The following SFXN1 variants were observed in gnomAD, a reference collection of about 807,000 sequenced individuals.
SFXN1 encodes the protein sideroflexin 1.
A neutral mutation model predicts 39.5 loss-of-function variants in SFXN1; 32 were observed. The ratio of observed to expected loss-of-function variants is 0.81; its 90% CI spans 0.61 to 1.09. The LOEUF is 1.09. Ranked by LOEUF, SFXN1 falls within the 50% of genes least tolerant of loss-of-function variation. The probability of loss-of-function intolerance (pLI) is 0.00; values close to 1 mark genes in which losing one functional copy is unlikely to be tolerated. For missense variants in SFXN1, 402 were observed against 407.1 expected, an observed-to-expected ratio of 0.99 and a Z score of 0.11; for synonymous variants, 136 against 146.5, an observed-to-expected ratio of 0.93 and a Z score of 0.52.
chr5:175,527,694 G>A lies in SFXN1; in HGVS notation c.*960G>A, dbSNP rs1761107894. ...ACAGTGATAATGTGTGTATGAATCAGTCACAATGAATTTTACTTGAATATT... is the reference window on the plus strand; with the variant it reads ...ACAGTGATAATGTGTGTATGAATCAATCACAATGAATTTTACTTGAATATT... On this transcript the variant is annotated 3_prime_UTR_variant, in exon 11 of 11. Coordinates refer to ENST00000321442, the MANE Select transcript of SFXN1 (RefSeq NM_022754.7). 1 of 151,922 alleles carries A rather than the reference G, an allele frequency of 6.6e-6. No homozygotes were observed. Among genetic ancestry groups the A allele is most frequent in the African/African-American group, 2.4e-5 (1 of 41,348 alleles). The allele number at this position is 151,922 out of a possible 1,614,324, so 9.4% of individuals were successfully genotyped here.
intron 8 of SFXN1, among the ~76,000 whole-genome samples, chr5:175,516,865 C>T (rs1760729442): frequency 6.6e-6 from 1 of 152,094 alleles, no homozygotes; most frequent in African/African-American, 2.4e-5. Flanking sequence ...TAAAGACTGC[C>T]ACTATTGAGA....
chr5:175,489,405 C>T (rs181664375), intron 1 of SFXN1, among the ~76,000 whole-genome samples: 42 of 152,300 alleles, frequency 2.8e-4, no homozygotes, highest in Middle Eastern at 3.4e-3. Flanking sequence ...TTCCCCTGCA[C>T]GCCCTGCAGG....
In SFXN1 at chr5:175,526,704, G is replaced by A. The variant is rs1026268445; in HGVS notation, c.939G>A (p.Leu313=). The A allele has an allele frequency of 2.5e-6, 4 of 1,614,208 alleles. No homozygotes were observed. The highest frequency in any genetic ancestry group is 3.4e-6 in the Non-Finnish European group (4 of 1,180,016). Residue 313 remains leucine, a synonymous_variant, in exon 11 of 11, where the codon TTG becomes TTA. Coordinates refer to ENST00000321442, the MANE Select transcript of SFXN1 (RefSeq NM_022754.7). ...AGATCCAAGAGAGCCATCCTGAATT[G>A]CGACGCGTGTACTTCAATAAGGGAT... ...QAKIQESHPE[L]RRVYFNKGL
At chr5:175,503,385 A>C (rs1760156368) in intron 2 of SFXN1, among the ~76,000 whole-genome samples, 1 of 152,238 alleles carries the variant, frequency 6.6e-6, no homozygotes, top group African/African-American at 2.4e-5. Flanking sequence ...CAAAAATCCA[A>C]AGTAAAACAC....
Position 175,526,486 on chromosome 5 carries a change from A to T in SFXN1, c.873-152A>T, listed in dbSNP as rs765078534. 170 of 635,322 alleles carry T rather than the reference A, an allele frequency of 2.7e-4. 1 individual carries two copies. The highest frequency in any genetic ancestry group is 8.5e-4 in the Middle Eastern group (3 of 3,536). The allele number at this position is 635,322 out of a possible 1,614,324, so 39.4% of individuals were successfully genotyped here. A position where few individuals can be genotyped will look rare whatever the true frequency, so the allele number is the denominator to read the frequency against. On this transcript the variant is annotated intron_variant, in intron 10 of 10. Coordinates refer to ENST00000321442, the MANE Select transcript of SFXN1 (RefSeq NM_022754.7). ...GTGACATTTTTCTGAAAGGAACGTG[A>T]TCTCGTTTTCTAGCCGCATGAAGCA... is the stretch of plus-strand genomic sequence containing the variant.
intron 10 of SFXN1, chr5:175,525,767 C>A (rs992237199): frequency 1.3e-5 from 2 of 152,052 alleles, no homozygotes; most frequent in East Asian, 3.9e-4. Context: ...CACCAACACA[C>A]CTGTCTTATT....
At chr5:175,502,758 T>C (rs1197001136) in intron 2 of SFXN1, among the ~76,000 whole-genome samples, 1 of 152,120 alleles carries the variant, frequency 6.6e-6, no homozygotes, top group East Asian at 1.9e-4. Flanking sequence ...GGAGAATCGC[T>C]TGAACCCGGG....
At chr5:175,506,582 T>G (rs750384460) in intron 2 of SFXN1, among the ~76,000 whole-genome samples, 2 of 152,210 alleles carry the variant, frequency 1.3e-5, no homozygotes, top group Non-Finnish European at 2.9e-5. Flanking sequence ...GCAATTAATA[T>G]GCCCAACACT....
rs115444515 is a variant in SFXN1 at position 175,513,787 on chromosome 5, G to A, written c.724+197G>A. 9.7e-3 allele frequency: 5,143 copies of A among 532,780 alleles called. 184 individuals are homozygous for A. Among genetic ancestry groups the A allele is most frequent in the African/African-American group, 0.085 (4,446 of 52,222 alleles). The allele number at this position is 532,780 out of a possible 1,614,324, so 33.0% of individuals were successfully genotyped here. ...AGGGCAAGGGGGCAATGGGGCTAGG[G>A]CGTGTGGGTAGGGCAGCCGGGGAAG... On this transcript the variant is annotated intron_variant, in intron 7 of 10. Coordinates refer to ENST00000321442, the MANE Select transcript of SFXN1 (RefSeq NM_022754.7).
chr5:175,509,321 C>A, intron 3 of SFXN1, 119 bp downstream of exon 3: 3 of 975,762 alleles, frequency 3.1e-6, no homozygotes, highest in Non-Finnish European at 4.4e-6. Context: ...AAGTGACAAA[C>A]AAGGTAATTA....
intron 1 of SFXN1, among the ~76,000 whole-genome samples, chr5:175,484,843 G>A (rs991401805): frequency 1.3e-5 from 2 of 152,152 alleles, no homozygotes; most frequent in Admixed American, 6.6e-5. Context: ...TTACAGGTGC[G>A]CACCACCACG....
At chr5:175,482,632 G>C (rs1759293194) in intron 1 of SFXN1, among the ~76,000 whole-genome samples, 1 of 152,024 alleles carries the variant, frequency 6.6e-6, no homozygotes, top group Admixed American at 6.6e-5. Context: ...TCCCACTTTT[G>C]TTTGGTAACT....
intron 2 of SFXN1, among the ~76,000 whole-genome samples, chr5:175,494,928 C>G (rs942041170): frequency 1.3e-5 from 2 of 152,124 alleles, no homozygotes; most frequent in East Asian, 3.8e-4. Context: ...CCAGCAGTTC[C>G]ACTTCTGGGA....
chr5:175,523,555 A>C (rs1226268443), intron 10 of SFXN1: 1 of 152,194 alleles, frequency 6.6e-6, no homozygotes, highest in African/African-American at 2.4e-5. Context: ...TAAAACACCT[A>C]AGAAATGTAG....
chr5:175,510,369 G>A, intron 4 of SFXN1, 162 bp downstream of exon 4: 1 of 623,252 alleles, frequency 1.6e-6, no homozygotes, highest in Non-Finnish European at 2.7e-6. Context: ...TTAAAGTAAA[G>A]TGTTTCATTT....
chr5:175,503,940 G>A (rs1260149900), intron 2 of SFXN1, among the ~76,000 whole-genome samples: 1 of 144,828 alleles, frequency 6.9e-6, no homozygotes, highest in Non-Finnish European at 1.5e-5. Flanking sequence ...GGAGGTAGAG[G>A]TTGCAGTAGC....
intron 4 of SFXN1, among the ~76,000 whole-genome samples, chr5:175,511,046 T>C (rs1323751674): frequency 2.0e-5 from 3 of 152,232 alleles, no homozygotes; most frequent in Non-Finnish European, 1.5e-5. Flanking sequence ...GCTTTCAGTG[T>C]GTATATTAAT....
At chr5:175,482,780 T>C (rs1027278221) in intron 1 of SFXN1, among the ~76,000 whole-genome samples, 2 of 152,356 alleles carry the variant, frequency 1.3e-5, no homozygotes, top group African/African-American at 4.8e-5. Flanking sequence ...GTCACATGTC[T>C]AGAAAGGAAA....
Position 175,528,048 on chromosome 5 carries a change from G to C in SFXN1, c.*1314G>C, listed in dbSNP as rs1400576634. 4.6e-5 allele frequency: 7 copies of C among 151,510 alleles called. No homozygotes were observed. The East Asian group carries it at 1.4e-3, about 29-fold the overall frequency. 9.4% of individuals were successfully genotyped at this position (151,510 alleles called of 1,614,324 possible). ...CGTTCTCCTGCCTCAGCCTCTCTGAGAAGCTGGGACTACAGGCGCCCGCCA... is the reference window on the plus strand; with the variant it reads ...CGTTCTCCTGCCTCAGCCTCTCTGACAAGCTGGGACTACAGGCGCCCGCCA... On this transcript the variant is annotated 3_prime_UTR_variant, in exon 11 of 11. Transcript: ENST00000321442.
Sources: gnomAD v4.1 joint callset for allele counts (sites outside exome capture counted in the v4.1 genomes callset) on GRCh38, gnomAD v4.1.1 for gene constraint, MANE v1.5 for transcripts, NCBI Gene and HGNC (gene_info 2026-07-23, HGNC 2026-07-21) for gene names.